Variants in EFCAB13 observed in about 807,000 individuals in gnomAD.
The protein encoded by EFCAB13 is EF-hand calcium binding domain 13, also known as EF-hand calcium-binding domain-containing protein 13.
EFCAB13 carries 91 observed loss-of-function variants against 110.2 expected under a neutral mutation model. The observed-to-expected ratio is 0.83, with a 90% confidence interval of 0.70 to 0.98. The LOEUF (loss-of-function observed/expected upper bound fraction) is 0.98. Ranked by LOEUF, EFCAB13 falls within the 50% of genes least tolerant of loss-of-function variation. The pLI is 0.00. For missense variants in EFCAB13, 968 were observed against 1,119.4 expected, an observed-to-expected ratio of 0.86 and a Z score of 1.93; for synonymous variants, 323 against 369.9, an observed-to-expected ratio of 0.87 and a Z score of 1.45.
intron 9 of EFCAB13, among the ~76,000 whole-genome samples, chr17:47,352,763 C>G (rs957358678): frequency 6.6e-6 from 1 of 152,102 alleles, no homozygotes; most frequent in African/African-American, 2.4e-5. Context: ...TTTATTTCAT[C>G]ACTGTTTTGT....
In EFCAB13 at chr17:47,395,899, T is replaced by G. The variant is rs201179775; in HGVS notation, c.1867T>G (p.Trp623Gly). The G allele has an allele frequency of 5.0e-6, 8 of 1,611,404 alleles. No homozygotes were observed. In the East Asian group the frequency reaches 8.9e-5, roughly 18 times the overall value. ...RKETMSVSDL[W>G]NTLSSLNSNL... is the part of the protein sequence containing the mutation. ...GGAGACGATGAGTGTTTCTGACCTG[T>G]GGAATACTCTGTCTAGTTTGAATAG... The change falls in exon 17 of 25, where the codon TGG becomes GGG. Residue 623 changes from tryptophan (W) to glycine (G), a missense_variant. Coordinates refer to ENST00000331493, the MANE Select transcript of EFCAB13 (RefSeq NM_152347.5).
intron 5 of EFCAB13, among the ~76,000 whole-genome samples, chr17:47,340,935 G>A (rs1484485618): frequency 2.0e-5 from 3 of 151,696 alleles, no homozygotes; most frequent in Non-Finnish European, 4.4e-5. Flanking sequence ...TGATTTACTG[G>A]ATCTATTATG....
At chr17:47,379,903 A>G (rs1230028626) in intron 14 of EFCAB13, among the ~76,000 whole-genome samples, 1 of 152,216 alleles carries the variant, frequency 6.6e-6, no homozygotes, top group East Asian at 1.9e-4. Flanking sequence ...AGATAAGGAA[A>G]GATTAGTCCA....
At chr17:47,361,640 A>G in intron 10 of EFCAB13, 119 bp downstream of exon 10, 1 of 812,640 alleles carries the variant, frequency 1.2e-6, no homozygotes, top group South Asian at 2.7e-5. Context: ...CTTGATTCTT[A>G]CCTTTTGCCA....
At chr17:47,356,300 A>G (rs4284698) in intron 9 of EFCAB13, among the ~76,000 whole-genome samples, 13,369 of 152,068 alleles carry the variant, frequency 0.088, 849 homozygotes, top group East Asian at 0.35. Flanking sequence ...TGTTTTTCTG[A>G]TTCCTTCTCA....
Position 47,403,919 on chromosome 17 carries a change from G to A in EFCAB13, c.2059G>A (p.Asp687Asn), listed in dbSNP as rs2065791546. The change falls in exon 19 of 25, where the codon GAC becomes AAC. Residue 687 changes from aspartate to asparagine, a missense_variant. Transcript: ENST00000331493. ...VVLAADLLEG[D>N]MIAGKNLEDF... ...CTTAGCTGCTGATTTGCTGGAAGGT[G>A]ACATGATAGCTGGGAAGAACTTGGA... 6.2e-7 allele frequency: 1 copy of A among 1,611,666 alleles called. No individual in the cohort carries two copies. Among genetic ancestry groups the A allele is most frequent in the Non-Finnish European group, 8.5e-7 (1 of 1,178,734 alleles).
intron 23 of EFCAB13, among the ~76,000 whole-genome samples, chr17:47,416,870 T>A: frequency 6.6e-6 from 1 of 152,188 alleles, no homozygotes; most frequent in East Asian, 1.9e-4. Context: ...GATTGCTTAA[T>A]GAAAACGAAA....
At chr17:47,396,286 G>T (rs766135301) in intron 17 of EFCAB13, among the ~76,000 whole-genome samples, 1 of 152,020 alleles carries the variant, frequency 6.6e-6, no homozygotes. Flanking sequence ...ATTAGGAAAT[G>T]TTAAGAGATC....
chr17:47,352,716 C>T (rs182473481), intron 9 of EFCAB13, among the ~76,000 whole-genome samples: 1 of 152,236 alleles, frequency 6.6e-6, no homozygotes, highest in African/African-American at 2.4e-5. Flanking sequence ...GATCCATGAG[C>T]ATGGGATGTT....
intron 9 of EFCAB13, among the ~76,000 whole-genome samples, chr17:47,353,625 T>C (rs566983956): frequency 6.6e-6 from 1 of 152,280 alleles, no homozygotes; most frequent in Non-Finnish European, 1.5e-5. Context: ...ATCAAGGATA[T>C]GTGAATGTGA....
chr17:47,405,302 T>C (rs1161623026), intron 20 of EFCAB13, among the ~76,000 whole-genome samples: 1 of 152,194 alleles, frequency 6.6e-6, no homozygotes, highest in Non-Finnish European at 1.5e-5. Flanking sequence ...TTGCACACAA[T>C]TTTTCTGTAG....
intron 23 of EFCAB13, among the ~76,000 whole-genome samples, chr17:47,424,460 A>C (rs1284426479): frequency 1.3e-5 from 2 of 152,222 alleles, no homozygotes; most frequent in Non-Finnish European, 2.9e-5. Flanking sequence ...ATGAAAACAA[A>C]ATAGCAGAGG....
At chr17:47,351,679 G>T (rs1399806376) in intron 9 of EFCAB13, among the ~76,000 whole-genome samples, 2 of 151,956 alleles carry the variant, frequency 1.3e-5, no homozygotes, top group African/African-American at 4.8e-5. Context: ...GTACATTCTG[G>T]ATATCAGTCC....
chr17:47,346,526 A>G (rs559051737), intron 8 of EFCAB13, among the ~76,000 whole-genome samples: 188 of 145,734 alleles, frequency 1.3e-3, no homozygotes, highest in African/African-American at 4.4e-3. Flanking sequence ...ACTGCAGTGA[A>G]CAGGGGAGTA....
intron 8 of EFCAB13, among the ~76,000 whole-genome samples, chr17:47,346,402 G>T (rs2065415936): frequency 2.1e-5 from 3 of 143,204 alleles, no homozygotes; most frequent in Non-Finnish European, 3.0e-5. Flanking sequence ...AAGGCTGATT[G>T]ATATTCTGTC....
In EFCAB13 at chr17:47,341,956, A is replaced by C; in HGVS notation, c.227A>C (p.Lys76Thr). The change falls in exon 6 of 25, where the codon AAG becomes ACG. Residue 76 changes from lysine (K) to threonine (T), a missense_variant. Lys to Thr is a moderately conservative substitution (Grantham distance 78, BLOSUM62 -1). Coordinates refer to ENST00000331493, the MANE Select transcript of EFCAB13 (RefSeq NM_152347.5). ...ETSIIFCGEE[K>T]SSDFSGEKKV... ...TCAATAATCTTTTGTGGAGAAGAAA[A>C]GTCCTCTGATTTTTCAGGAGAAAAA... The C allele has an allele frequency of 1.3e-6, 2 of 1,597,998 alleles. No individual in the cohort carries two copies. Among genetic ancestry groups the C allele is most frequent in the African/African-American group, 1.3e-5 (1 of 74,126 alleles).
In EFCAB13 at chr17:47,361,385, G is replaced by C. The variant is rs758799713; in HGVS notation, c.669G>C (p.Gln223His). The C allele has an allele frequency of 6.2e-7, 1 of 1,612,490 alleles. No individual in the cohort carries two copies. The highest frequency in any genetic ancestry group is 1.1e-5 in the South Asian group (1 of 90,752). ...ALKTVDIDAFQDALKIFCRIK... is the reference protein window; with the variant it reads ...ALKTVDIDAFHDALKIFCRIK... ...ATAATTTCTTTTTTGCAGCATTCCA[G>C]GATGCCTTGAAGATTTTCTGTAGGA... The change falls in exon 10 of 25, where the codon CAG becomes CAC. Residue 223 changes from glutamine to histidine, a missense_variant. By Grantham distance (24) the Gln-to-His change is conservative. Coordinates refer to ENST00000331493, the MANE Select transcript of EFCAB13 (RefSeq NM_152347.5).
chr17:47,389,577 TC>T (rs1378123767), intron 14 of EFCAB13, among the ~76,000 whole-genome samples: 1 of 148,634 alleles, frequency 6.7e-6, no homozygotes, highest in African/African-American at 2.5e-5. Context: ...CCTCATTTCA[TC>T]TTTTTTTTTT....
At chr17:47,386,890 CCCG>C (rs1280793679) in intron 14 of EFCAB13, among the ~76,000 whole-genome samples, 1 of 151,852 alleles carries the variant, frequency 6.6e-6, no homozygotes, top group African/African-American at 2.4e-5. Context: ...CCACCCCCTC[CCCG>C]CCGCCGCCTG....
Sources: gnomAD v4.1 joint callset for allele counts (sites outside exome capture counted in the v4.1 genomes callset) on GRCh38, gnomAD v4.1.1 for gene constraint, MANE v1.5 for transcripts, NCBI Gene and HGNC (gene_info 2026-07-23, HGNC 2026-07-21) for gene names.